ZFAND3: variants seen among roughly 807,000 people sequenced by gnomAD.
ZFAND3 encodes the protein zinc finger AN1-type containing 3.
In ZFAND3, 10 loss-of-function variants were observed where a neutral mutation model predicts 29.6. The ratio of observed to expected loss-of-function variants is 0.34; its 90% CI spans 0.21 to 0.57. The LOEUF (loss-of-function observed/expected upper bound fraction) is 0.57. Among genes scored for constraint, ZFAND3 ranks in the 20% least tolerant of loss-of-function variants. The pLI, the probability that ZFAND3 is intolerant of heterozygous loss-of-function variation, is 0.86. For synonymous variants in ZFAND3, 128 were observed against 112.6 expected (o/e 1.14, Z -0.87); for missense variants, 230 against 304.5 (o/e 0.76, Z 1.82).
intron 3 of ZFAND3, among the ~76,000 whole-genome samples, chr6:38,063,415 T>C (rs1229313551): frequency 6.6e-6 from 1 of 152,208 alleles, no homozygotes; most frequent in Non-Finnish European, 1.5e-5. Context: ...CTAAATGTCC[T>C]GCATCACATA....
intron 2 of ZFAND3, among the ~76,000 whole-genome samples, chr6:37,958,812 C>T (rs544436034): frequency 6.6e-6 from 1 of 151,706 alleles, no homozygotes; most frequent in South Asian, 2.1e-4. Context: ...TGTAAATTTC[C>T]ATAGGGATAG....
intron 1 of ZFAND3, among the ~76,000 whole-genome samples, chr6:37,842,784 C>G (rs1440433060): frequency 6.6e-6 from 1 of 152,092 alleles, no homozygotes; most frequent in Non-Finnish European, 1.5e-5. Context: ...GTTAAATAAT[C>G]TCATTCATTA....
chr6:37,921,852 C>T (rs1761386304), intron 1 of ZFAND3, among the ~76,000 whole-genome samples: 1 of 150,474 alleles, frequency 6.6e-6, no homozygotes, highest in African/African-American at 2.5e-5. Context: ...CAGAGACCTG[C>T]CTGGGCAACA....
intron 2 of ZFAND3, among the ~76,000 whole-genome samples, chr6:38,046,959 C>T (rs533084578): frequency 6.6e-6 from 1 of 151,966 alleles, no homozygotes; most frequent in Admixed American, 6.6e-5. Context: ...TAATCAGCAG[C>T]TGGGAAAATC....
At chr6:38,068,059 A>G (rs894977455) in intron 3 of ZFAND3, among the ~76,000 whole-genome samples, 3 of 152,186 alleles carry the variant, frequency 2.0e-5, no homozygotes, top group Non-Finnish European at 4.4e-5. Context: ...GATATTCTAA[A>G]CTAGCAGTTA....
At position 38,106,469 on chromosome 6, in the gene ZFAND3, G is replaced by T. The variant is rs186056063; in HGVS notation, c.362-10103G>T. ...CCGGCCTACAAATGACATTCTTAAC[G>T]GCAGGCCTATGAGAAAAGAATGTGG... On this transcript the variant is annotated intron_variant, in intron 4 of 5. Transcript: ENST00000287218. Among the ~76,000 whole-genome samples, 24 of 152,234 alleles carry T rather than the reference G, an allele frequency of 1.6e-4. 1 individual carries two copies. The East Asian group carries it at 4.6e-3, about 29-fold the overall frequency.
chr6:37,912,481 G>A (rs1581755410), intron 1 of ZFAND3, among the ~76,000 whole-genome samples: 1 of 152,294 alleles, frequency 6.6e-6, no homozygotes, highest in East Asian at 1.9e-4. Context: ...TGGTATGGGA[G>A]TAGAGTTTTT....
intron 2 of ZFAND3, among the ~76,000 whole-genome samples, chr6:37,980,088 A>T (rs1041840983): frequency 3.3e-5 from 5 of 151,464 alleles, no homozygotes; most frequent in Admixed American, 1.3e-4. Flanking sequence ...TGGCCCAGTA[A>T]TTCTCTTCAA....
At chr6:37,865,374 T>C (rs886607043) in intron 1 of ZFAND3, among the ~76,000 whole-genome samples, 2 of 152,114 alleles carry the variant, frequency 1.3e-5, no homozygotes, top group Non-Finnish European at 2.9e-5. Flanking sequence ...GCAATTTCTT[T>C]TTCCGAATAT....
chr6:37,902,708 G>A (rs1481943341), intron 1 of ZFAND3, among the ~76,000 whole-genome samples: 1 of 148,156 alleles, frequency 6.7e-6, no homozygotes, highest in Non-Finnish European at 1.5e-5. Context: ...TTTTCAGATA[G>A]AGATGCAGCA....
chr6:37,885,763 G>T (rs1020893562), intron 1 of ZFAND3, among the ~76,000 whole-genome samples: 1 of 152,058 alleles, frequency 6.6e-6, no homozygotes, highest in Non-Finnish European at 1.5e-5. Context: ...TTAAAAGACA[G>T]CACTTAATTG....
intron 1 of ZFAND3, among the ~76,000 whole-genome samples, chr6:37,920,143 A>G (rs574703556): frequency 2.0e-5 from 3 of 150,432 alleles, no homozygotes; most frequent in South Asian, 4.2e-4. Context: ...TTGTAAAGCA[A>G]TTCCTTCTTT....
At chr6:38,035,899 C>G (rs1561974599) in intron 2 of ZFAND3, among the ~76,000 whole-genome samples, 1 of 152,154 alleles carries the variant, frequency 6.6e-6, no homozygotes, top group African/African-American at 2.4e-5. Flanking sequence ...GGGCACACAG[C>G]AAATGGAGAA....
chr6:37,914,501 G>A (rs1363727496), intron 1 of ZFAND3, among the ~76,000 whole-genome samples: 25 of 151,354 alleles, frequency 1.7e-4, no homozygotes, highest in Non-Finnish European at 1.6e-4. Context: ...ACCACACCTG[G>A]CTGATTTTTG....
In ZFAND3 at chr6:37,879,622, T is replaced by C. The variant is rs975337267; in HGVS notation, c.72-50337T>C. Among the ~76,000 whole-genome samples, 12 of 152,320 alleles carry C rather than the reference T, an allele frequency of 7.9e-5. No homozygotes were observed. The South Asian group carries it at 2.3e-3, about 29-fold the overall frequency. Reference sequence around the variant, plus strand: ...TGTTTCTTAAACTTTATTTTGCCTGTATTTGGTGAATATTTTAAAAGAGTA... The same window carrying C: ...TGTTTCTTAAACTTTATTTTGCCTGCATTTGGTGAATATTTTAAAAGAGTA... On this transcript the variant is annotated intron_variant, in intron 1 of 5. Coordinates refer to ENST00000287218, the MANE Select transcript of ZFAND3 (RefSeq NM_021943.3).
intron 1 of ZFAND3, among the ~76,000 whole-genome samples, chr6:37,838,905 A>G (rs1752655686): frequency 6.6e-6 from 1 of 152,212 alleles, no homozygotes; most frequent in Admixed American, 6.5e-5. Context: ...TGTTTTCCAG[A>G]GCAACTACAT....
At chr6:38,134,126 C>G (rs983117228) in intron 5 of ZFAND3, among the ~76,000 whole-genome samples, 1 of 152,212 alleles carries the variant, frequency 6.6e-6, no homozygotes, top group African/African-American at 2.4e-5. Flanking sequence ...AATGCCACAT[C>G]TAGATAAGAT....
intron 2 of ZFAND3, among the ~76,000 whole-genome samples, chr6:38,031,078 A>T (rs965023552): frequency 6.6e-6 from 1 of 152,216 alleles, no homozygotes; most frequent in African/African-American, 2.4e-5. Context: ...GAAAGAGCCA[A>T]CCTTTCTTAA....
intron 2 of ZFAND3, among the ~76,000 whole-genome samples, chr6:38,032,497 T>C (rs1763580733): frequency 6.6e-6 from 1 of 152,204 alleles, no homozygotes; most frequent in South Asian, 2.1e-4. Flanking sequence ...CAGAGCAGAT[T>C]ATAGGAAGAC....
Sources: allele counts gnomAD v4.1 joint callset (sites outside exome capture counted in the v4.1 genomes callset), GRCh38; gene constraint gnomAD v4.1.1; transcripts MANE v1.5; gene names NCBI Gene and HGNC (gene_info 2026-07-23, HGNC 2026-07-21).